MELTF: variants seen among roughly 807,000 people sequenced by gnomAD.
MELTF encodes melanotransferrin.
Under a neutral mutation model 83.7 loss-of-function variants are expected in MELTF, and 67 were observed. The ratio of observed to expected loss-of-function variants is 0.80; its 90% CI spans 0.66 to 0.98. MELTF has a LOEUF of 0.98. Ranked by LOEUF, MELTF falls within the 50% of genes least tolerant of loss-of-function variation. The probability of loss-of-function intolerance (pLI) is 0.00; values close to 1 mark genes in which losing one functional copy is unlikely to be tolerated. For synonymous variants in MELTF, 462 were observed against 447.6 expected, an observed-to-expected ratio of 1.03 and a Z score of -0.41; for missense variants, 1,002 against 1,035.6, an observed-to-expected ratio of 0.97 and a Z score of 0.44.
chr3:197,019,557 G>A (rs748334989), intron 6 of MELTF: 2 of 1,568,926 alleles, frequency 1.3e-6, no homozygotes, highest in Admixed American at 3.4e-5. Context: ...GGGCAACATG[G>A]TGAGACCCCC....
rs1297692026 is a variant in MELTF at position 197,006,689 on chromosome 3, C to T, written c.1798G>A (p.Glu600Lys). 1 of 1,582,958 alleles carries T rather than the reference C, an allele frequency of 6.3e-7. No individual in the cohort carries two copies. Among genetic ancestry groups the T allele is most frequent in the South Asian group, 1.2e-5 (1 of 84,018 alleles). The change falls in exon 14 of 16, where the codon GAA becomes AAA. Residue 600 changes from glutamate (E) to lysine (K), a missense_variant. Transcript: ENST00000296350. This position sits in a 1 kb window ranked among gnomAD's most constrained non-coding sequence, Gnocchi z 5.4. ...CGGGCCCCGTTGGGGCACAGCAGTT[C>T]ATAGTCCTCTGACCTGAGCTCAGCA... ...WAAELRSEDY[E>K]LLCPNGARAE...
At position 197,008,707 on chromosome 3, in the gene MELTF, G is replaced by T; in HGVS notation, c.1700C>A (p.Ala567Glu). ...GTGCCTGACGAAGGCAACGTCACCC[G>T]CATTCTCCACCAGGCACCTGCCACA... ...RGAFRCLVENAGDVAFVRHTT... is the reference protein window; with the variant it reads ...RGAFRCLVENEGDVAFVRHTT... The change falls in exon 13 of 16, where the codon GCG (alanine) becomes GAG (glutamate). Residue 567 changes from alanine to glutamate, a missense_variant. Ala to Glu is a moderately radical substitution (Grantham distance 107). Coordinates refer to ENST00000296350, the MANE Select transcript of MELTF (RefSeq NM_005929.6). This position sits in a 1 kb window ranked among gnomAD's most constrained non-coding sequence, Gnocchi z 5.4. 6.2e-7 allele frequency: 1 copy of T among 1,614,044 alleles called. No individual in the cohort carries two copies. The highest frequency in any genetic ancestry group is 8.5e-7 in the Non-Finnish European group (1 of 1,179,994).
chr3:197,013,119 G>A lies in MELTF; in HGVS notation c.1233+2246C>T, dbSNP rs7640034. On this transcript the variant is annotated intron_variant, in intron 9 of 15. Coordinates refer to ENST00000296350, the MANE Select transcript of MELTF (RefSeq NM_005929.6). Reference sequence around the variant, plus strand: ...ATGGAACCACAAGGGACCCTGAATAGCCAAAGCAATCCTAAGCAAAAAGAA... The same window carrying A: ...ATGGAACCACAAGGGACCCTGAATAACCAAAGCAATCCTAAGCAAAAAGAA... 2.0e-3 allele frequency among the ~76,000 whole-genome samples: 300 copies of A among 152,290 alleles called. 1 individual carries two copies. Among genetic ancestry groups the A allele is most frequent in the African/African-American group, 6.7e-3 (280 of 41,558 alleles).
chr3:197,011,338 C>A lies in MELTF; in HGVS notation c.1234-544G>T, dbSNP rs938670852. On this transcript the variant is annotated intron_variant, in intron 9 of 15. Coordinates refer to ENST00000296350, the MANE Select transcript of MELTF (RefSeq NM_005929.6). This position sits in a 1 kb window ranked among gnomAD's most constrained non-coding sequence, Gnocchi z 4.2. ...GAGGCGCGGGAGGGTCCAGTGCCTT[C>A]TTCCCAGGACCCTCCTGGGGCCTCC... Among the ~76,000 whole-genome samples, 2 of 152,232 alleles carry A rather than the reference C, an allele frequency of 1.3e-5. No individual in the cohort carries two copies. The highest frequency in any genetic ancestry group is 2.1e-4 in the South Asian group (1 of 4,838).
chr3:197,027,939 T>C (rs952267945), intron 1 of MELTF, 29 bp from the exon 2 acceptor site: 84 of 1,526,756 alleles, frequency 5.5e-5, no homozygotes, highest in East Asian at 4.6e-4. Flanking sequence ...GAGGCCCGGC[T>C]CCCCCGCCCT....
intron 6 of MELTF, among the ~76,000 whole-genome samples, chr3:197,020,757 C>T (rs921349359): frequency 2.7e-5 from 4 of 150,922 alleles, no homozygotes; most frequent in African/African-American, 9.8e-5. Flanking sequence ...CAATCTCTGC[C>T]TCCTGGGTTC....
rs765528892 is a variant in MELTF, at chr3:197,006,772, C to T, written c.1751-36G>A. 24 of 1,470,730 alleles carry T rather than the reference C, an allele frequency of 1.6e-5. No individual in the cohort carries two copies. The East Asian group carries it at 2.8e-4, about 17-fold the overall frequency. The allele number at this position is 1,470,730 out of a possible 1,614,324, so 91.1% of individuals were successfully genotyped here. ...TAAAGCAGTGTGTGTGGGGACGTTCCGGGAGTGGAGAGAAGTGTAAAGAGA... is the reference window on the plus strand; with the variant it reads ...TAAAGCAGTGTGTGTGGGGACGTTCTGGGAGTGGAGAGAAGTGTAAAGAGA... On this transcript the variant is annotated intron_variant, in intron 13 of 15. Transcript: ENST00000296350. This position sits in a 1 kb window ranked among gnomAD's most constrained non-coding sequence, Gnocchi z 5.4.
intron 3 of MELTF, among the ~76,000 whole-genome samples, chr3:197,025,038 C>T (rs564820989): frequency 8.5e-5 from 13 of 152,328 alleles, no homozygotes; most frequent in African/African-American, 1.9e-4. Context: ...GGCCCCAAGT[C>T]GCTCACGACC....
rs572179481 is a variant in MELTF at position 197,024,043 on chromosome 3, C to G, written c.487+260G>C. 31 of 636,856 alleles carry G rather than the reference C, an allele frequency of 4.9e-5. No homozygotes were observed. The highest frequency in any genetic ancestry group is 8.4e-5 in the Non-Finnish European group (29 of 344,462). The allele number at this position is 636,856 out of a possible 1,614,324, so 39.5% of individuals were successfully genotyped here. A position where few individuals can be genotyped will look rare whatever the true frequency, so the allele number is the denominator to read the frequency against. On this transcript the variant is annotated intron_variant, in intron 4 of 15. Coordinates refer to ENST00000296350, the MANE Select transcript of MELTF (RefSeq NM_005929.6). The surrounding 1 kb of genome is among the most constrained non-coding windows in gnomAD (Gnocchi z 5.3). Reference sequence around the variant, plus strand: ...TTCCCACTCATGGGCTGGGCCTGTGCCTGGCTGTGCCATGTGGGACACCAC... The same window carrying G: ...TTCCCACTCATGGGCTGGGCCTGTGGCTGGCTGTGCCATGTGGGACACCAC...
At chr3:197,016,403 G>C (rs1251869873) in intron 7 of MELTF, 34 bp from the exon 8 acceptor site, 1 of 1,466,704 alleles carries the variant, frequency 6.8e-7, no homozygotes, top group African/African-American at 1.4e-5. Flanking sequence ...AGGGTGGTGA[G>C]GGTGCTGACA....
chr3:197,027,927 G>A lies in MELTF; in HGVS notation c.50-17C>T, dbSNP rs748867709. 9 of 1,552,372 alleles carry A rather than the reference G, an allele frequency of 5.8e-6. No individual in the cohort carries two copies. The highest frequency in any genetic ancestry group is 5.4e-5 in the African/African-American group (4 of 74,026). ...CACCGAGCACTGCGGGCAGGGGACCGTGAGGCCCGGCTCCCCCGCCCTGCC... is the reference window on the plus strand; with the variant it reads ...CACCGAGCACTGCGGGCAGGGGACCATGAGGCCCGGCTCCCCCGCCCTGCC... On this transcript the variant is annotated splice_polypyrimidine_tract_variant and intron_variant, in intron 1 of 15. Coordinates refer to ENST00000296350, the MANE Select transcript of MELTF (RefSeq NM_005929.6).
chr3:197,019,606 T>C, intron 6 of MELTF: 2 of 1,593,308 alleles, frequency 1.3e-6, no homozygotes, highest in Admixed American at 1.7e-5. Context: ...AGCTGATTCT[T>C]AACCCAACAT....
In MELTF at chr3:197,011,807, C is replaced by A. The variant is rs924778299; in HGVS notation, c.1234-1013G>T. On this transcript the variant is annotated intron_variant, in intron 9 of 15. Coordinates refer to ENST00000296350, the MANE Select transcript of MELTF (RefSeq NM_005929.6). The surrounding 1 kb of genome is among the most constrained non-coding windows in gnomAD (Gnocchi z 4.2). ...TCTCTGAGAACCTCAGAAGCTAGAACTGAGGGTCTTTGAGCCCTTTGCTGG... is the reference window on the plus strand; with the variant it reads ...TCTCTGAGAACCTCAGAAGCTAGAAATGAGGGTCTTTGAGCCCTTTGCTGG... 2.6e-5 allele frequency among the ~76,000 whole-genome samples: 4 copies of A among 152,170 alleles called. No individual in the cohort carries two copies. The highest frequency in any genetic ancestry group is 5.9e-5 in the Non-Finnish European group (4 of 68,018).
Position 197,024,234 on chromosome 3 carries a change from G to A in MELTF, c.487+69C>T. ...GGCCGGAGGGAGGCTACCCAGTGAA[G>A]GGACGAGCATGGGCCAAGGAAAGGA... On this transcript the variant is annotated intron_variant, in intron 4 of 15. Transcript: ENST00000296350. The surrounding 1 kb of genome is among the most constrained non-coding windows in gnomAD (Gnocchi z 5.3). 1.4e-6 allele frequency: 2 copies of A among 1,473,650 alleles called. No individual in the cohort carries two copies. The highest frequency in any genetic ancestry group is 1.8e-6 in the Non-Finnish European group (2 of 1,096,326). 91.3% of individuals were successfully genotyped at this position (1,473,650 alleles called of 1,614,324 possible).
In MELTF at chr3:197,003,773, C is replaced by A; in HGVS notation, c.2137+128G>T. The A allele has an allele frequency of 2.0e-6, 2 of 1,020,164 alleles. No homozygotes were observed. The highest frequency in any genetic ancestry group is 2.8e-6 in the Non-Finnish European group (2 of 706,984). 63.2% of individuals were successfully genotyped at this position (1,020,164 alleles called of 1,614,324 possible). Reference sequence around the variant, plus strand: ...TGGCCAAAATCCTCCCGGGACACCCCACCTGGACTGCTGCGAACGGGCCTC... The same window carrying A: ...TGGCCAAAATCCTCCCGGGACACCCAACCTGGACTGCTGCGAACGGGCCTC... On this transcript the variant is annotated intron_variant, in intron 15 of 15. Coordinates refer to ENST00000296350, the MANE Select transcript of MELTF (RefSeq NM_005929.6). This position sits in a 1 kb window ranked among gnomAD's most constrained non-coding sequence, Gnocchi z 6.2.
chr3:197,003,479 C>T lies in MELTF; in HGVS notation c.2138-28G>A, dbSNP rs1718839861. On this transcript the variant is annotated intron_variant, in intron 15 of 15. Transcript: ENST00000296350. The surrounding 1 kb of genome is among the most constrained non-coding windows in gnomAD (Gnocchi z 6.2). Reference sequence around the variant, plus strand: ...GGGGACGAACGCGGCGGGTCAGGCCCCGAAGCCCGGGCCGCGGTGGCCGCC... The same window carrying T: ...GGGGACGAACGCGGCGGGTCAGGCCTCGAAGCCCGGGCCGCGGTGGCCGCC... The T allele has an allele frequency of 9.2e-7, 1 of 1,089,926 alleles. No homozygotes were observed. Among genetic ancestry groups the T allele is most frequent in the South Asian group, 4.4e-5 (1 of 22,878 alleles). The allele number at this position is 1,089,926 out of a possible 1,614,324, so 67.5% of individuals were successfully genotyped here. A position where few individuals can be genotyped will look rare whatever the true frequency, so the allele number is the denominator to read the frequency against.
chr3:197,008,018 C>T lies in MELTF; in HGVS notation c.1750+639G>A, dbSNP rs573429617. Among the ~76,000 whole-genome samples, 1 of 152,268 alleles carries T rather than the reference C, an allele frequency of 6.6e-6. No homozygotes were observed. Among genetic ancestry groups the T allele is most frequent in the East Asian group, 1.9e-4 (1 of 5,176 alleles). On this transcript the variant is annotated intron_variant, in intron 13 of 15. Coordinates refer to ENST00000296350, the MANE Select transcript of MELTF (RefSeq NM_005929.6). This position sits in a 1 kb window ranked among gnomAD's most constrained non-coding sequence, Gnocchi z 5.4. ...GGAAAACAGCCTCTAGTCTTCAAAA[C>T]GGACACAGATTCCTTCACGGAGAAC...
At chr3:197,010,538 C>T (rs1337896351) in intron 10 of MELTF, among the ~76,000 whole-genome samples, 160 bp downstream of exon 10, 1 of 152,236 alleles carries the variant, frequency 6.6e-6, no homozygotes, top group African/African-American at 2.4e-5. Flanking sequence ...GTTGGGGAAA[C>T]TGAGGCCTGG....
intron 14 of MELTF, chr3:197,004,332 A>C: frequency 1.8e-6 from 1 of 561,862 alleles, no homozygotes; most frequent in Non-Finnish European, 3.2e-6. Flanking sequence ...GTTCAGAAGC[A>C]CTGCGGTGCT....
Sources: gnomAD v4.1 joint callset for allele counts (sites outside exome capture counted in the v4.1 genomes callset) on GRCh38, gnomAD v4.1.1 for gene constraint, Gnocchi (gnomAD v3.1) non-coding constraint, MANE v1.5 for transcripts, NCBI Gene and HGNC (gene_info 2026-07-23, HGNC 2026-07-21) for gene names.